VPS37A: variants seen among roughly 807,000 people sequenced by gnomAD.
VPS37A encodes VPS37A subunit of ESCRT-I, also known as vacuolar protein sorting-associated protein 37A.
A neutral mutation model predicts 49.8 loss-of-function variants in VPS37A; 30 were observed. That is an observed-to-expected ratio of 0.60 (90% confidence interval 0.45 to 0.82). The LOEUF is 0.82. Among genes scored for constraint, VPS37A ranks in the 40% least tolerant of loss-of-function variants. VPS37A has a pLI of 0.00. For synonymous variants in VPS37A, 195 were observed against 160.6 expected, an observed-to-expected ratio of 1.21 and a Z score of -1.62; for missense variants, 593 against 464.4, an observed-to-expected ratio of 1.28 and a Z score of -2.55.
the VPS37A span, among the ~76,000 whole-genome samples, chr8:17,308,754 C>T: frequency 0.096 from 14,605 of 152,134 alleles, 882 homozygotes; most frequent in African/African-American, 0.17. Flanking sequence ...AAAGGTCAGA[C>T]AGCCCAGACG....
At chr8:17,305,744 C>G (rs765300243), downstream of VPS37A, 12 of 1,595,700 alleles carry the variant, frequency 7.5e-6, no homozygotes, top group South Asian at 1.2e-4. Flanking sequence ...ACCAAAAACA[C>G]CAAAACACTT....
At chr8:17,301,811 A>T (rs79588020), downstream of VPS37A, 3,040 of 322,520 alleles carry the variant, frequency 9.4e-3, 29 homozygotes, top group Middle Eastern at 0.023. Context: ...AGAGTTTTAC[A>T]AGTACATATA....
At chr8:17,259,578 A>G (rs955685197) in intron 1 of VPS37A, among the ~76,000 whole-genome samples, 12 of 152,108 alleles carry the variant, frequency 7.9e-5, no homozygotes, top group African/African-American at 2.2e-4. Flanking sequence ...GTAAATGTCA[A>G]TTAGGCCTAT....
chr8:17,268,926 T>C lies in VPS37A; in HGVS notation c.386T>C (p.Val129Ala), dbSNP rs1388665814. The C allele has an allele frequency of 1.2e-6, 2 of 1,609,540 alleles. No individual in the cohort carries two copies. Among genetic ancestry groups the C allele is most frequent in the African/African-American group, 2.7e-5 (2 of 74,776 alleles). ...GATGAGTTTTGGAAGAATCCTCCAG[T>C]TTTAGCTCCTACTTCAACAGCATTT... ...LLDEFWKNPP[V>A]LAPTSTAFPY... is the part of the protein sequence containing the mutation. Residue 129 changes from valine (V) to alanine (A), a missense_variant, in exon 4 of 12, where the codon GTT becomes GCT. Coordinates refer to ENST00000324849, the MANE Select transcript of VPS37A (RefSeq NM_152415.3).
At chr8:17,290,693 ACAAT>A in intron 11 of VPS37A, among the ~76,000 whole-genome samples, 1 of 152,304 alleles carries the variant, frequency 6.6e-6, no homozygotes, top group Non-Finnish European at 1.5e-5. Flanking sequence ...CTGGCCTCAT[ACAAT>A]CAGTTAGGGA....
chr8:17,333,083 A>C, the VPS37A span, among the ~76,000 whole-genome samples: 1 of 152,156 alleles, frequency 6.6e-6, no homozygotes, highest in African/African-American at 2.4e-5. Context: ...CCAGGCTGGC[A>C]GACACCTCAC....
chr8:17,321,804 T>C, the VPS37A span, among the ~76,000 whole-genome samples: 1 of 152,238 alleles, frequency 6.6e-6, no homozygotes, highest in African/African-American at 2.4e-5. Flanking sequence ...GGTCTAGTGA[T>C]ATTTGTTTTA....
chr8:17,303,604 T>A (rs1442956142), downstream of VPS37A, among the ~76,000 whole-genome samples: 1 of 116,598 alleles, frequency 8.6e-6, no homozygotes, highest in Non-Finnish European at 1.7e-5. Context: ...TCCCCATACA[T>A]ACAATCTTTT....
At chr8:17,254,465 T>C (rs1321142979) in intron 1 of VPS37A, among the ~76,000 whole-genome samples, 1 of 152,200 alleles carries the variant, frequency 6.6e-6, no homozygotes, top group Non-Finnish European at 1.5e-5. Context: ...TGTCACCCTG[T>C]TGATTAATTA....
At chr8:17,309,199 C>T in the VPS37A span, 1 of 987,274 alleles carries the variant, frequency 1.0e-6, no homozygotes, top group South Asian at 1.4e-5. Context: ...AGACGATTTT[C>T]CCCTAAATAT....
At chr8:17,285,768 A>C (rs1238192644) in intron 10 of VPS37A, among the ~76,000 whole-genome samples, 2 of 152,150 alleles carry the variant, frequency 1.3e-5, no homozygotes, top group Non-Finnish European at 2.9e-5. Flanking sequence ...TGTATCTGTT[A>C]ATCTTCCTGC....
At chr8:17,328,384 A>C in the VPS37A span, among the ~76,000 whole-genome samples, 2 of 152,196 alleles carry the variant, frequency 1.3e-5, no homozygotes, top group Non-Finnish European at 2.9e-5. Context: ...GCTGGCCTTG[A>C]AAGGGACTAT....
chr8:17,279,315 C>CT (rs1814810814), intron 6 of VPS37A, among the ~76,000 whole-genome samples: 1 of 152,068 alleles, frequency 6.6e-6, no homozygotes, highest in African/African-American at 2.4e-5. Context: ...CTAAAGCTGA[C>CT]TAGAGGAAAA....
At chr8:17,326,354 A>T in the VPS37A span, 1 of 152,228 alleles carries the variant, frequency 6.6e-6, no homozygotes, top group Non-Finnish European at 1.5e-5. Flanking sequence ...AATACAGCTT[A>T]AAAAATCTGA....
chr8:17,316,549 T>C, the VPS37A span, among the ~76,000 whole-genome samples: 3 of 152,056 alleles, frequency 2.0e-5, no homozygotes, highest in East Asian at 1.9e-4. Flanking sequence ...GGCTGGGTCA[T>C]AGAGTTCCTA....
the VPS37A span, among the ~76,000 whole-genome samples, chr8:17,317,788 A>G: frequency 1.3e-5 from 2 of 152,202 alleles, no homozygotes; most frequent in African/African-American, 4.8e-5. Flanking sequence ...TACTTCCGCC[A>G]TAAATTGCAG....
chr8:17,305,863 C>A, downstream of VPS37A: 1 of 1,613,606 alleles, frequency 6.2e-7, no homozygotes, highest in Non-Finnish European at 8.5e-7. Context: ...AACTCAAAGG[C>A]ACAGGGAAAT....
downstream of VPS37A, chr8:17,304,606 A>G: frequency 7.0e-7 from 1 of 1,427,286 alleles, no homozygotes; most frequent in Non-Finnish European, 9.7e-7. Flanking sequence ...AAAGGAACTA[A>G]TAATTGTTAC....
intron 10 of VPS37A, among the ~76,000 whole-genome samples, 185 bp from the exon 11 acceptor site, chr8:17,286,162 T>C (rs1175693506): frequency 6.6e-6 from 1 of 152,182 alleles, no homozygotes; most frequent in Non-Finnish European, 1.5e-5. Flanking sequence ...CTTGTACCAT[T>C]AGTGCTAATG....
Sources: allele counts gnomAD v4.1 joint callset (sites outside exome capture counted in the v4.1 genomes callset), GRCh38; gene constraint gnomAD v4.1.1; transcripts MANE v1.5; gene names NCBI Gene and HGNC (gene_info 2026-07-23, HGNC 2026-07-21).